Variants in ANO4 observed in about 807,000 individuals in gnomAD.
The protein encoded by ANO4 is anoctamin-4.
A neutral mutation model predicts 141.9 loss-of-function variants in ANO4; 69 were observed. That is an observed-to-expected ratio of 0.49 (90% CI 0.40 to 0.59). ANO4 has a LOEUF of 0.59. Among genes scored for constraint, ANO4 ranks in the 20% least tolerant of loss-of-function variants. The pLI is 0.00. For synonymous variants in ANO4, 350 were observed against 394.3 expected (o/e 0.89, Z 1.33); for missense variants, 894 against 1,162.2 (o/e 0.77, Z 3.36).
chr12:100,731,767 AT>A (rs2031390755), intron 1 of ANO4, among the ~76,000 whole-genome samples: 1 of 152,166 alleles, frequency 6.6e-6, no homozygotes, highest in South Asian at 2.1e-4. Context: ...TTTCAGATTC[AT>A]TTCTTTAACT....
At chr12:100,842,687 T>A (rs899554019) in intron 1 of ANO4, among the ~76,000 whole-genome samples, 1 of 152,098 alleles carries the variant, frequency 6.6e-6, no homozygotes, top group Non-Finnish European at 1.5e-5. Flanking sequence ...CAGTGTCTGG[T>A]GAGGGCTGTT....
At chr12:100,811,163 G>A (rs919422525) in intron 1 of ANO4, among the ~76,000 whole-genome samples, 4 of 152,158 alleles carry the variant, frequency 2.6e-5, no homozygotes, top group Non-Finnish European at 4.4e-5. Context: ...TCACAGAAAC[G>A]GACTCATAGA....
chr12:100,931,566 A>G (rs940236393), intron 3 of ANO4, among the ~76,000 whole-genome samples: 1 of 152,152 alleles, frequency 6.6e-6, no homozygotes, highest in African/African-American at 2.4e-5. Flanking sequence ...CTTTATAATA[A>G]TACTTGTCTC....
intron 9 of ANO4, among the ~76,000 whole-genome samples, chr12:101,034,687 A>G (rs1254438321): frequency 1.3e-5 from 2 of 152,196 alleles, no homozygotes; most frequent in East Asian, 1.9e-4. Flanking sequence ...AAGGACATCT[A>G]TATCTTGCCT....
At chr12:100,826,787 T>C (rs1009726794) in intron 1 of ANO4, among the ~76,000 whole-genome samples, 1 of 152,088 alleles carries the variant, frequency 6.6e-6, no homozygotes, top group African/African-American at 2.4e-5. Context: ...CTGCAGTCTC[T>C]TCCATCTCCG....
upstream of ANO4, chr12:100,794,739 C>A (rs1004891296): frequency 6.6e-6 from 1 of 152,182 alleles, no homozygotes; most frequent in Non-Finnish European, 1.5e-5. Context: ...CAGTCCTGGG[C>A]GTGATGCTCT....
At chr12:100,923,471 C>G (rs750008863) in intron 3 of ANO4, among the ~76,000 whole-genome samples, 10 of 141,446 alleles carry the variant, frequency 7.1e-5, no homozygotes, top group African/African-American at 3.1e-4. Context: ...TGAACTCATC[C>G]TTTTTTATGG....
chr12:100,840,389 A>G (rs138494200), intron 1 of ANO4, among the ~76,000 whole-genome samples: 27 of 152,234 alleles, frequency 1.8e-4, no homozygotes, highest in African/African-American at 6.5e-4. Flanking sequence ...CGATTTTCAG[A>G]GGACTTTCTT....
chr12:100,894,843 G>A (rs1593668451), intron 1 of ANO4, among the ~76,000 whole-genome samples: 1 of 151,556 alleles, frequency 6.6e-6, no homozygotes, highest in East Asian at 1.9e-4. Flanking sequence ...GCGGGCGCCT[G>A]TAGTCCCAGC....
chr12:101,106,916 G>T, intron 22 of ANO4, among the ~76,000 whole-genome samples: 1 of 150,890 alleles, frequency 6.6e-6, no homozygotes, highest in Admixed American at 6.6e-5. Flanking sequence ...CAGTTAATGG[G>T]CATTAATCAC....
rs563390445 is a variant in ANO4, at chr12:101,042,235, T to G, written c.1020-99T>G. On this transcript the variant is annotated intron_variant, in intron 11 of 27. Transcript: ENST00000392977. ...TGGCTTACCTTGCTTGCAGTTTACC[T>G]CGTAAGGCCGCTACAAAGTAAAATG... The G allele has an allele frequency of 1.4e-5, 21 of 1,474,646 alleles. No individual in the cohort carries two copies. In the South Asian group the frequency reaches 2.6e-4, roughly 18 times the overall value. 91.3% of individuals were successfully genotyped at this position (1,474,646 alleles called of 1,614,324 possible). A position where few individuals can be genotyped will look rare whatever the true frequency, so the allele number is the denominator to read the frequency against.
intron 16 of ANO4, 71 bp downstream of exon 16, chr12:101,083,889 G>A (rs1566225246): frequency 1.2e-5 from 16 of 1,343,632 alleles, no homozygotes; most frequent in Admixed American, 6.0e-5. Flanking sequence ...TAATCATATT[G>A]GGCATTTGCA....
At chr12:100,928,128 T>A (rs2041947075) in intron 3 of ANO4, among the ~76,000 whole-genome samples, 1 of 149,604 alleles carries the variant, frequency 6.7e-6, no homozygotes, top group African/African-American at 2.4e-5. Flanking sequence ...ACCTGCATGG[T>A]CATGCCATTT....
intron 26 of ANO4, among the ~76,000 whole-genome samples, chr12:101,124,339 G>A (rs2051219625): frequency 6.6e-6 from 1 of 151,972 alleles, no homozygotes; most frequent in South Asian, 2.1e-4. Flanking sequence ...TTGTAGATGT[G>A]TTTAAGTTCC....
intron 3 of ANO4, among the ~76,000 whole-genome samples, chr12:100,757,177 T>C (rs1390649136): frequency 6.6e-6 from 1 of 152,186 alleles, no homozygotes; most frequent in Non-Finnish European, 1.5e-5. Flanking sequence ...TCCTCTGCCC[T>C]GCTCCTCACA....
chr12:100,993,952 T>A (rs1396513174), intron 8 of ANO4, among the ~76,000 whole-genome samples: 1 of 152,200 alleles, frequency 6.6e-6, no homozygotes, highest in Non-Finnish European at 1.5e-5. Context: ...ATTGTGAGAT[T>A]TCTCAGCCTC....
chr12:101,033,092 G>A (rs1293194935), intron 9 of ANO4, among the ~76,000 whole-genome samples: 3 of 152,116 alleles, frequency 2.0e-5, no homozygotes, highest in Non-Finnish European at 4.4e-5. Context: ...GGTAGACTGG[G>A]TTAAGAAAAT....
At chr12:100,755,789 T>C (rs1245845309) in intron 3 of ANO4, among the ~76,000 whole-genome samples, 1 of 152,204 alleles carries the variant, frequency 6.6e-6, no homozygotes, top group African/African-American at 2.4e-5. Context: ...TGTTTTCAAG[T>C]TTGCTAACAG....
chr12:101,069,092 A>G (rs2048708954), intron 14 of ANO4: 7 of 1,116,906 alleles, frequency 6.3e-6, no homozygotes, highest in Middle Eastern at 3.0e-4. Context: ...CAAATCTGCA[A>G]AGGAAGAACT....
Sources: allele counts gnomAD v4.1 joint callset (sites outside exome capture counted in the v4.1 genomes callset), GRCh38; gene constraint gnomAD v4.1.1; transcripts MANE v1.5; gene names NCBI Gene and HGNC (gene_info 2026-07-23, HGNC 2026-07-21).